The following TET2 variants were observed in gnomAD, a reference collection of about 807,000 sequenced individuals.
The protein encoded by TET2 is tet methylcytosine dioxygenase 2, also known as methylcytosine dioxygenase TET2.
Under a neutral mutation model 142.9 loss-of-function variants are expected in TET2, and 299 were observed. The ratio of observed to expected loss-of-function variants is 2.09; its 90% CI spans 1.90 to 2.30. The LOEUF (loss-of-function observed/expected upper bound fraction) is 2.30. Ranked by LOEUF, TET2 falls within the 30% of genes most tolerant of loss-of-function variation. The pLI is 0.00. For synonymous variants in TET2, 819 were observed against 849.0 expected, an observed-to-expected ratio of 0.96 and a Z score of 0.61; for missense variants, 2,418 against 2,378.0, an observed-to-expected ratio of 1.02 and a Z score of -0.35.
chr4:105,264,344 T>C (rs1392686242), intron 8 of TET2, among the ~76,000 whole-genome samples: 1 of 152,164 alleles, frequency 6.6e-6, no homozygotes, highest in African/African-American at 2.4e-5. Flanking sequence ...TAAATCAAGC[T>C]ATAAAAATAA....
At chr4:105,232,705 C>T (rs946727435) in intron 2 of TET2, among the ~76,000 whole-genome samples, 2 of 152,148 alleles carry the variant, frequency 1.3e-5, no homozygotes, top group African/African-American at 4.8e-5. Context: ...GGAGTATAAA[C>T]TGTAAGAGAG....
At position 105,254,659 on chromosome 4, in the gene TET2, G is replaced by A. The variant is rs1413423621; in HGVS notation, c.3804-4960G>A. On this transcript the variant is annotated intron_variant, in intron 6 of 10. Transcript: ENST00000380013. ...ACTCCTGGACTCAAGCAATCTGCCT[G>A]CCTCAGCCTCCAAAGAGTGATGGGA... Among the ~76,000 whole-genome samples the A allele has an allele frequency of 2.0e-5, 3 of 152,134 alleles. No homozygotes were observed. The East Asian group carries it at 5.8e-4, about 29-fold the overall frequency.
At chr4:105,261,567 ATAGC>A (rs1462322522) in intron 7 of TET2, among the ~76,000 whole-genome samples, 188 bp from the exon 8 acceptor site, 1 of 152,142 alleles carries the variant, frequency 6.6e-6, no homozygotes, top group South Asian at 2.1e-4. Flanking sequence ...AAAAAAACAA[ATAGC>A]TAGATATTTA....
At chr4:105,153,797 A>G (rs912158775) in intron 1 of TET2, among the ~76,000 whole-genome samples, 1 of 152,236 alleles carries the variant, frequency 6.6e-6, no homozygotes, top group Non-Finnish European at 1.5e-5. Context: ...TGGACTATGT[A>G]GAGAAAGTCA....
At chr4:105,272,433 A>C (rs1731008296) in intron 9 of TET2, 131 bp from the exon 10 acceptor site, 1 of 622,178 alleles carries the variant, frequency 1.6e-6, no homozygotes, top group African/African-American at 1.8e-5. Flanking sequence ...ATGGTAATAT[A>C]TATGTCACTG....
intron 2 of TET2, among the ~76,000 whole-genome samples, chr4:105,200,201 G>T (rs185071000): frequency 1.3e-5 from 2 of 152,024 alleles, no homozygotes; most frequent in Non-Finnish European, 2.9e-5. Context: ...CCTCACTAAC[G>T]TGTTATTTTT....
intron 6 of TET2, among the ~76,000 whole-genome samples, chr4:105,258,022 G>A (rs1332341920): frequency 6.6e-6 from 1 of 152,144 alleles, no homozygotes; most frequent in Non-Finnish European, 1.5e-5. Flanking sequence ...GCCTCCTCTA[G>A]TGGCAGCCTG....
chr4:105,184,720 GGT>G (rs34103341), intron 1 of TET2, among the ~76,000 whole-genome samples: 31 of 150,652 alleles, frequency 2.1e-4, no homozygotes, highest in East Asian at 7.8e-4. Flanking sequence ...CTTGCAGAGA[GGT>G]GTGTGTGTGT....
At chr4:105,189,835 T>C (rs1725682025) in intron 1 of TET2, among the ~76,000 whole-genome samples, 1 of 152,228 alleles carries the variant, frequency 6.6e-6, no homozygotes, top group African/African-American at 2.4e-5. Context: ...ACTTAGCATG[T>C]TACCTTGACA....
intron 2 of TET2, among the ~76,000 whole-genome samples, chr4:105,229,846 A>G (rs1728405520): frequency 6.6e-6 from 1 of 151,792 alleles, no homozygotes; most frequent in African/African-American, 2.4e-5. Flanking sequence ...CCTTTATTCC[A>G]TTTAATTACT....
intron 1 of TET2, among the ~76,000 whole-genome samples, chr4:105,178,801 T>A (rs1455333589): frequency 6.6e-6 from 1 of 151,994 alleles, no homozygotes; most frequent in Non-Finnish European, 1.5e-5. Flanking sequence ...ATTTAGGCAA[T>A]CTGAAAAAAT....
intron 1 of TET2, among the ~76,000 whole-genome samples, chr4:105,168,601 C>G (rs1260464996): frequency 2.0e-5 from 3 of 151,456 alleles, no homozygotes; most frequent in Admixed American, 2.0e-4. Flanking sequence ...TTTTTTATTC[C>G]CATAGGTTAT....
chr4:105,185,761 A>G (rs1725398622), intron 1 of TET2, among the ~76,000 whole-genome samples: 1 of 152,234 alleles, frequency 6.6e-6, no homozygotes, highest in Admixed American at 6.5e-5. Flanking sequence ...CCTGGGCTAC[A>G]GAGCAAGACT....
intron 1 of TET2, among the ~76,000 whole-genome samples, chr4:105,169,099 C>T (rs1245307227): frequency 3.3e-5 from 5 of 152,152 alleles, no homozygotes; most frequent in Non-Finnish European, 7.4e-5. Context: ...GGTAGATACC[C>T]AGTAGTGGGA....
chr4:105,159,468 T>A (rs1158040624), intron 1 of TET2, among the ~76,000 whole-genome samples: 2 of 152,078 alleles, frequency 1.3e-5, no homozygotes, highest in African/African-American at 2.4e-5. Flanking sequence ...TTGGTCAGCC[T>A]GGTGTTGAAC....
chr4:105,155,496 C>G lies in TET2; in HGVS notation c.-193+8517C>G, dbSNP rs189387423. ...GTAAAATGAGTGCAGATTTTTAACA[C>G]TAGTCCCTATGGAACTATGACTTGT... On this transcript the variant is annotated intron_variant, in intron 1 of 10. Transcript: ENST00000380013. Among the ~76,000 whole-genome samples, 4 of 152,336 alleles carry G rather than the reference C, an allele frequency of 2.6e-5. No individual in the cohort carries two copies. The East Asian group carries it at 7.7e-4, about 29-fold the overall frequency.
At position 105,236,583 on chromosome 4, in the gene TET2, AG is replaced by A. The variant is rs1728932579; in HGVS notation, c.2643del (p.Arg881SerfsTer40). 2 of 1,614,016 alleles carry A rather than the reference AG, an allele frequency of 1.2e-6. No individual in the cohort carries two copies. The highest frequency in any genetic ancestry group is 1.7e-6 in the Non-Finnish European group (2 of 1,180,022). ...GATCCCAAAGCAAGATCTTCTTCACAGGTGCTTTCAAGAACAGGAGCAGAAG... is the reference window on the plus strand; with the variant it reads ...GATCCCAAAGCAAGATCTTCTTCACAGTGCTTTCAAGAACAGGAGCAGAAG... The part of the protein sequence containing the change: ...NVIPKQDLLH[R>X]CFQEQEQKSQ... On this transcript the variant is annotated frameshift_variant, in exon 3 of 11. Coordinates refer to ENST00000380013, the MANE Select transcript of TET2 (RefSeq NM_001127208.3). LOFTEE classifies it high-confidence loss of function.
chr4:105,204,215 CAA>C (rs531909233), intron 2 of TET2, among the ~76,000 whole-genome samples: 991 of 97,288 alleles, frequency 0.01, 12 homozygotes, highest in East Asian at 0.027. Context: ...AAAAACAAAC[CAA>C]AAAAAAAAAA....
At chr4:105,196,013 T>C (rs1726068737) in intron 2 of TET2, among the ~76,000 whole-genome samples, 1 of 152,182 alleles carries the variant, frequency 6.6e-6, no homozygotes, top group Non-Finnish European at 1.5e-5. Flanking sequence ...TCCTATTGCA[T>C]TGAGAGCATT....
Sources: gnomAD v4.1 joint callset for allele counts (sites outside exome capture counted in the v4.1 genomes callset) on GRCh38, gnomAD v4.1.1 for gene constraint, MANE v1.5 for transcripts, NCBI Gene and HGNC (gene_info 2026-07-23, HGNC 2026-07-21) for gene names.